The following ZNF512 variants were observed in gnomAD, a reference collection of about 807,000 sequenced individuals.
The protein encoded by ZNF512 is zinc finger protein 512.
ZNF512 carries 25 observed loss-of-function variants against 77.5 expected under a neutral mutation model. The observed-to-expected ratio is 0.32, with a 90% CI of 0.23 to 0.45. The LOEUF is 0.45. ZNF512 is among the 20% of genes least tolerant of loss of function. The pLI is 1.00. For missense variants in ZNF512, 483 were observed against 692.6 expected (o/e 0.70, Z 3.40); for synonymous variants, 246 against 239.9 (o/e 1.03, Z -0.24).
At chr2:27,588,910 T>G (rs1671451911) in intron 2 of ZNF512, among the ~76,000 whole-genome samples, 1 of 152,212 alleles carries the variant, frequency 6.6e-6, no homozygotes, top group South Asian at 2.1e-4. Context: ...GTAGTTTCAT[T>G]GTTTTTAAAA....
At chr2:27,610,609 G>A (rs1380161111) in intron 10 of ZNF512, among the ~76,000 whole-genome samples, 1 of 88,344 alleles carries the variant, frequency 1.1e-5, no homozygotes, top group Admixed American at 1.7e-4. Flanking sequence ...TTGAGACAGC[G>A]TCTAGCTCTG....
chr2:27,602,047 G>C (rs1196985248), intron 7 of ZNF512, among the ~76,000 whole-genome samples: 1 of 152,212 alleles, frequency 6.6e-6, no homozygotes, highest in Non-Finnish European at 1.5e-5. Flanking sequence ...GCCTGCCGAA[G>C]TGCTGGGATT....
intron 2 of ZNF512, among the ~76,000 whole-genome samples, chr2:27,591,701 G>A (rs185472627): frequency 1.3e-4 from 20 of 152,288 alleles, no homozygotes; most frequent in Non-Finnish European, 2.9e-4. Flanking sequence ...GAGTCACCGC[G>A]CCCAGCCTTA....
intron 10 of ZNF512, among the ~76,000 whole-genome samples, chr2:27,608,323 T>C (rs1672456032): frequency 6.6e-6 from 1 of 152,228 alleles, no homozygotes; most frequent in African/African-American, 2.4e-5. Context: ...GTTTTTGTTT[T>C]GCTAGGTCAT....
intron 5 of ZNF512, 123 bp from the exon 6 acceptor site, chr2:27,600,568 T>A: frequency 1.7e-6 from 2 of 1,149,974 alleles, no homozygotes; most frequent in Non-Finnish European, 2.5e-6. Context: ...AAGAGCCTCT[T>A]CATCGCAGTC....
intron 2 of ZNF512, among the ~76,000 whole-genome samples, chr2:27,583,935 T>TAAGA (rs1339369835): frequency 1.3e-5 from 2 of 152,150 alleles, no homozygotes; most frequent in African/African-American, 4.8e-5. Context: ...GGTTCTTTTG[T>TAAGA]GATTTTGTGG....
chr2:27,610,544 G>GTGTGTGCATATATATATATATA (rs1413007886), intron 10 of ZNF512, among the ~76,000 whole-genome samples: 2 of 32,654 alleles, frequency 6.1e-5, no homozygotes, highest in African/African-American at 2.9e-4. Flanking sequence ...ATATGTGTGT[G>GTGTGTGCATATATATATATATA]TATATATATA....
At chr2:27,601,110 G>A (rs1335534611) in intron 6 of ZNF512, among the ~76,000 whole-genome samples, 1 of 152,138 alleles carries the variant, frequency 6.6e-6, no homozygotes, top group African/African-American at 2.4e-5. Flanking sequence ...AAGAAGTAAC[G>A]CAGGGCTAAA....
At chr2:27,598,323 A>G (rs763419483) in intron 3 of ZNF512, 69 bp downstream of exon 3, 97 of 1,496,060 alleles carry the variant, frequency 6.5e-5, no homozygotes, top group Non-Finnish European at 8.8e-5. Flanking sequence ...ATTGTTATAA[A>G]TACCTCTTAA....
rs917378847 is a variant in ZNF512, at chr2:27,596,004, A to G, written c.90-2063A>G. On this transcript the variant is annotated intron_variant, in intron 2 of 13. Transcript: ENST00000355467. Reference sequence around the variant, plus strand: ...ATCATTGTGAATACTTTTTGTGTAGATTTTGGGTCCTATTATAATTCTTCT... The same window carrying G: ...ATCATTGTGAATACTTTTTGTGTAGGTTTTGGGTCCTATTATAATTCTTCT... Among the ~76,000 whole-genome samples the G allele has an allele frequency of 2.6e-5, 4 of 152,120 alleles. No individual in the cohort carries two copies. The East Asian group carries it at 7.7e-4, about 29-fold the overall frequency.
chr2:27,588,327 A>T (rs1671431113), intron 2 of ZNF512, among the ~76,000 whole-genome samples: 2 of 152,090 alleles, frequency 1.3e-5, no homozygotes, highest in South Asian at 4.1e-4. Flanking sequence ...CCGTCTTAAG[A>T]AATAATAATA....
chr2:27,611,961 C>T (rs1672685234), intron 10 of ZNF512, among the ~76,000 whole-genome samples: 4 of 152,218 alleles, frequency 2.6e-5, no homozygotes, highest in Middle Eastern at 6.8e-3. Context: ...GCTGGGATTA[C>T]AGGCATGAAC....
chr2:27,598,126 A>G lies in ZNF512; in HGVS notation c.149A>G (p.Asp50Gly). The change falls in exon 3 of 14, where the codon GAC (aspartate) becomes GGC (glycine). Residue 50 changes from aspartate (D) to glycine (G), a missense_variant. This residue lies in a region of ZNF512 where 159 missense variants were observed against 167.5 expected (regional missense o/e 0.95). Transcript: ENST00000355467. ...NSFQYTIPHD[D>G]SLSGSSSASS... ...TTCCAGTACACTATCCCTCATGATGACTCCTTAAGTGGTTCATCGTCTGCA... is the reference window on the plus strand; with the variant it reads ...TTCCAGTACACTATCCCTCATGATGGCTCCTTAAGTGGTTCATCGTCTGCA... The G allele has an allele frequency of 6.2e-7, 1 of 1,613,080 alleles. No individual in the cohort carries two copies. The highest frequency in any genetic ancestry group is 8.5e-7 in the Non-Finnish European group (1 of 1,179,338).
chr2:27,599,698 A>G lies in ZNF512; in HGVS notation c.373+20A>G, dbSNP rs373922991. On this transcript the variant is annotated intron_variant, in intron 4 of 13. Coordinates refer to ENST00000355467, the MANE Select transcript of ZNF512 (RefSeq NM_032434.4). ...TTTATGGTAAGGCAGTAACTTTGCT[A>G]CTTCTTTTTCCTTGGGTGACTGAGC... The G allele has an allele frequency of 1.4e-5, 23 of 1,602,434 alleles. No homozygotes were observed. The highest frequency in any genetic ancestry group is 2.0e-5 in the Non-Finnish European group (23 of 1,169,858).
chr2:27,601,813 T>C (rs1477340845), intron 7 of ZNF512, among the ~76,000 whole-genome samples: 4 of 152,192 alleles, frequency 2.6e-5, no homozygotes, highest in Non-Finnish European at 5.9e-5. Context: ...CACACCTGGC[T>C]GATTTTGTAT....
Position 27,588,665 on chromosome 2 carries a change from G to C in ZNF512, c.89+4949G>C, listed in dbSNP as rs1034864918. On this transcript the variant is annotated intron_variant, in intron 2 of 13. Coordinates refer to ENST00000355467, the MANE Select transcript of ZNF512 (RefSeq NM_032434.4). Reference sequence around the variant, plus strand: ...GAAATCAGTAAGTCCTCTAACTTTAGTGTTCTTTTTCAAAATTGTTTTGGT... The same window carrying C: ...GAAATCAGTAAGTCCTCTAACTTTACTGTTCTTTTTCAAAATTGTTTTGGT... 1.7e-4 allele frequency among the ~76,000 whole-genome samples: 26 copies of C among 151,982 alleles called. 2 individuals are homozygous for C. The highest frequency in any genetic ancestry group is 1.3e-4 in the Admixed American group (2 of 15,242).
At chr2:27,608,679 C>T (rs187373322) in intron 10 of ZNF512, among the ~76,000 whole-genome samples, 12 of 152,098 alleles carry the variant, frequency 7.9e-5, no homozygotes, top group East Asian at 5.8e-4. Context: ...ATATGACTAT[C>T]GGATAGTCTT....
intron 13 of ZNF512, among the ~76,000 whole-genome samples, chr2:27,619,351 C>T (rs1432641060): frequency 6.6e-6 from 1 of 151,738 alleles, no homozygotes; most frequent in Non-Finnish European, 1.5e-5. Flanking sequence ...TGCAGTGAGC[C>T]GAGATTGCGC....
intron 2 of ZNF512, among the ~76,000 whole-genome samples, chr2:27,592,667 CTTTTTTTTT>C (rs139890307): frequency 3.7e-5 from 3 of 81,558 alleles, no homozygotes; most frequent in Non-Finnish European, 7.0e-5. Flanking sequence ...CCATGTTTAC[CTTTTTTTTT>C]TTTTTTTTTT....
Sources: gnomAD v4.1 joint callset for allele counts (sites outside exome capture counted in the v4.1 genomes callset) on GRCh38, gnomAD v4.1.1 for gene constraint, gnomAD v4.1.1 regional missense constraint, MANE v1.5 for transcripts, NCBI Gene and HGNC (gene_info 2026-07-23, HGNC 2026-07-21) for gene names.